Variants in RBFOX3 observed in about 807,000 individuals in gnomAD.
RBFOX3 encodes the protein RNA binding protein fox-1 homolog 3.
A neutral mutation model predicts 48.7 loss-of-function variants in RBFOX3; 17 were observed. That is an observed-to-expected ratio of 0.35 (90% CI 0.24 to 0.52). The LOEUF (loss-of-function observed/expected upper bound fraction) is 0.52, where lower values mean the gene tolerates loss of function less well. RBFOX3 is among the 20% of genes least tolerant of loss of function. The pLI, the probability that RBFOX3 is intolerant of heterozygous loss-of-function variation, is 0.94. For missense variants in RBFOX3, 382 were observed against 497.5 expected (o/e 0.77, Z 2.21); for synonymous variants, 212 against 209.5 (o/e 1.01, Z -0.10).
the RBFOX3 span, among the ~76,000 whole-genome samples, chr17:79,651,797 C>T: frequency 6.8e-6 from 1 of 146,280 alleles, no homozygotes; most frequent in Non-Finnish European, 1.5e-5. Flanking sequence ...TTCTCCCTCT[C>T]CTTCTCTGTC....
At chr17:79,294,859 ATTGC>A (rs1348020609) in intron 3 of RBFOX3, among the ~76,000 whole-genome samples, 6 of 152,130 alleles carry the variant, frequency 3.9e-5, no homozygotes, top group African/African-American at 7.2e-5. Context: ...CCAAAGCATG[ATTGC>A]TTGTCACTTG....
Position 79,380,832 on chromosome 17 carries a change from G to A in RBFOX3, c.-174-73008C>T, listed in dbSNP as rs181403484. 3.7e-3 allele frequency among the ~76,000 whole-genome samples: 558 copies of A among 151,416 alleles called. 9 individuals are homozygous for A. The highest frequency in any genetic ancestry group is 7.7e-4 in the Non-Finnish European group (52 of 67,954). On this transcript the variant is annotated intron_variant, in intron 2 of 14. Transcript: ENST00000693108. ...CACCACACTTTCTAAACACCTCCAC[G>A]AGCACTTCCGTATTTGGACGTCGCT...
At chr17:79,541,563 A>T (rs961131845) in intron 1 of RBFOX3, among the ~76,000 whole-genome samples, 8 of 152,192 alleles carry the variant, frequency 5.3e-5, no homozygotes, top group Admixed American at 4.6e-4. Flanking sequence ...AAAGCCAAGA[A>T]CAGCGGAAGG....
intron 3 of RBFOX3, among the ~76,000 whole-genome samples, chr17:79,257,591 C>G (rs917426593): frequency 2.6e-5 from 4 of 151,388 alleles, no homozygotes; most frequent in East Asian, 1.9e-4. Context: ...CTTTTTTTTT[C>G]CCCCTCTGAG....
chr17:79,399,599 C>T (rs2062518166), intron 2 of RBFOX3, among the ~76,000 whole-genome samples: 1 of 151,918 alleles, frequency 6.6e-6, no homozygotes, highest in Non-Finnish European at 1.5e-5. Flanking sequence ...GCCACGCTCT[C>T]CCAGCAGTCA....
intron 2 of RBFOX3, among the ~76,000 whole-genome samples, chr17:79,464,377 C>T (rs1476951843): frequency 6.6e-6 from 1 of 152,240 alleles, no homozygotes; most frequent in African/African-American, 2.4e-5. Context: ...CCCAAGGTGC[C>T]GTCCATCAAT....
intron 4 of RBFOX3, among the ~76,000 whole-genome samples, chr17:79,230,495 G>A (rs1303799379): frequency 6.6e-6 from 1 of 151,742 alleles, no homozygotes; most frequent in East Asian, 1.9e-4. Context: ...TGCTGACCTC[G>A]TGATCCGCCC....
chr17:79,399,864 C>G (rs1016756855), intron 2 of RBFOX3, among the ~76,000 whole-genome samples: 4 of 152,220 alleles, frequency 2.6e-5, no homozygotes, highest in African/African-American at 9.6e-5. Context: ...TCCAAGTGAA[C>G]GTTGTCCTTA....
chr17:79,468,159 A>G (rs1440465574), intron 2 of RBFOX3, among the ~76,000 whole-genome samples: 2 of 152,308 alleles, frequency 1.3e-5, no homozygotes, highest in Admixed American at 6.5e-5. Flanking sequence ...TGAACCCCAC[A>G]CGCTAAGACC....
At chr17:79,567,171 TCTTTC>T (rs2092486850) in intron 1 of RBFOX3, among the ~76,000 whole-genome samples, 2 of 144,602 alleles carry the variant, frequency 1.4e-5, no homozygotes, top group Admixed American at 7.1e-5. Flanking sequence ...TTTTTTTCTT[TCTTTC>T]TTTCTTTTTT....
Position 79,361,136 on chromosome 17 carries a change from G to C in RBFOX3, c.-174-53312C>G, listed in dbSNP as rs2086265310. 6.6e-6 allele frequency among the ~76,000 whole-genome samples: 1 copy of C among 152,114 alleles called. No individual in the cohort carries two copies. The highest frequency in any genetic ancestry group is 2.4e-5 in the African/African-American group (1 of 41,424). Reference sequence around the variant, plus strand: ...CACATTTGGCTCCAAAGGTTTGAAAGAGGGTGACAGACAGCTGTCACCCTC... The same window carrying C: ...CACATTTGGCTCCAAAGGTTTGAAACAGGGTGACAGACAGCTGTCACCCTC... On this transcript the variant is annotated intron_variant, in intron 2 of 14. Coordinates refer to ENST00000693108, the MANE Select transcript of RBFOX3 (RefSeq NM_001350451.2). This position sits in a 1 kb window ranked among gnomAD's most constrained non-coding sequence, Gnocchi z 4.5.
In RBFOX3 at chr17:79,204,570, T is replaced by A. The variant is rs2057261766; in HGVS notation, c.-34+31196A>T. Reference sequence around the variant, plus strand: ...AAAGAAGGGGTCCGAAGGCCCCAGATGCTGTGAACAGAGAACCCACTAGAT... The same window carrying A: ...AAAGAAGGGGTCCGAAGGCCCCAGAAGCTGTGAACAGAGAACCCACTAGAT... On this transcript the variant is annotated intron_variant, in intron 4 of 14. Transcript: ENST00000693108. This position sits in a 1 kb window ranked among gnomAD's most constrained non-coding sequence, Gnocchi z 4.5. Among the ~76,000 whole-genome samples, 1 of 152,168 alleles carries A rather than the reference T, an allele frequency of 6.6e-6. No homozygotes were observed. The highest frequency in any genetic ancestry group is 2.4e-5 in the African/African-American group (1 of 41,442).
chr17:79,116,098 A>T (rs1437862478), intron 4 of RBFOX3, among the ~76,000 whole-genome samples: 1 of 152,254 alleles, frequency 6.6e-6, no homozygotes, highest in Non-Finnish European at 1.5e-5. Flanking sequence ...CAGCTGTAAG[A>T]AGTAACACAG....
At chr17:79,485,995 A>G (rs1376069116) in intron 1 of RBFOX3, among the ~76,000 whole-genome samples, 1 of 152,254 alleles carries the variant, frequency 6.6e-6, no homozygotes, top group African/African-American at 2.4e-5. Context: ...ACACGGGCCT[A>G]TGGCCCCCTC....
At chr17:79,614,147 G>A (rs1488400760), upstream of RBFOX3, among the ~76,000 whole-genome samples, 1 of 152,210 alleles carries the variant, frequency 6.6e-6, no homozygotes, top group South Asian at 2.1e-4. Flanking sequence ...GGAATCCCCC[G>A]AAGGCTCAGA....
chr17:79,452,342 G>A (rs2073689038), intron 2 of RBFOX3, among the ~76,000 whole-genome samples: 1 of 152,214 alleles, frequency 6.6e-6, no homozygotes, highest in South Asian at 2.1e-4. Flanking sequence ...CAGCAGTCAT[G>A]GTGGAAGGGA....
At chr17:79,488,361 C>T (rs958068503) in intron 1 of RBFOX3, among the ~76,000 whole-genome samples, 2 of 19,838 alleles carry the variant, frequency 1.0e-4, no homozygotes, top group African/African-American at 1.3e-4. Context: ...ACTACCCCCT[C>T]CCCGGGGCCT....
chr17:79,452,389 G>A (rs967645322), intron 2 of RBFOX3, among the ~76,000 whole-genome samples: 1 of 152,176 alleles, frequency 6.6e-6, no homozygotes, highest in Non-Finnish European at 1.5e-5. Context: ...TGCCTTCGAC[G>A]CAGAAGGCAG....
In RBFOX3 at chr17:79,195,542, G is replaced by C. The variant is rs2055410967; in HGVS notation, c.-34+40224C>G. Reference sequence around the variant, plus strand: ...CAAAACACAGACACCCAGCAAAAGGGTCTGCTCCATTTCAGTCTACGTTTC... The same window carrying C: ...CAAAACACAGACACCCAGCAAAAGGCTCTGCTCCATTTCAGTCTACGTTTC... On this transcript the variant is annotated intron_variant, in intron 4 of 14. Transcript: ENST00000693108. The surrounding 1 kb of genome is among the most constrained non-coding windows in gnomAD (Gnocchi z 5.3). Among the ~76,000 whole-genome samples the C allele has an allele frequency of 6.6e-6, 1 of 152,222 alleles. No homozygotes were observed. Among genetic ancestry groups the C allele is most frequent in the South Asian group, 2.1e-4 (1 of 4,830 alleles).
Sources: gnomAD v4.1 joint callset for allele counts (sites outside exome capture counted in the v4.1 genomes callset) on GRCh38, gnomAD v4.1.1 for gene constraint, Gnocchi (gnomAD v3.1) non-coding constraint, MANE v1.5 for transcripts, NCBI Gene and HGNC (gene_info 2026-07-23, HGNC 2026-07-21) for gene names.